CACNG6: variants seen among roughly 807,000 people sequenced by gnomAD.
CACNG6 encodes calcium voltage-gated channel auxiliary subunit gamma 6, also known as voltage-dependent calcium channel gamma-6 subunit.
CACNG6 carries 21 observed loss-of-function variants against 23.9 expected under a neutral mutation model. The observed-to-expected ratio is 0.88, with a 90% CI of 0.62 to 1.26. CACNG6 has a LOEUF of 1.26. Ranked by LOEUF, CACNG6 falls within the 50% of genes most tolerant of loss-of-function variation. The pLI, the probability that CACNG6 is intolerant of heterozygous loss-of-function variation, is 0.00. For missense variants in CACNG6, 340 were observed against 352.9 expected, an observed-to-expected ratio of 0.96 and a Z score of 0.29; for synonymous variants, 182 against 168.9, an observed-to-expected ratio of 1.08 and a Z score of -0.60.
chr19:53,993,342 C>T, intron 1 of CACNG6, 134 bp downstream of exon 1: 3 of 854,248 alleles, frequency 3.5e-6, no homozygotes, highest in South Asian at 1.8e-5. Context: ...TCGCAGTAAG[C>T]GCCAGTGCCC....
Position 54,004,335 on chromosome 19 carries a change from T to TGTGTG in CACNG6, c.544+4564_544+4565insGTGTG, listed in dbSNP as rs1411422394. Among the ~76,000 whole-genome samples the TGTGTG allele has an allele frequency of 2.3e-3, 247 of 107,322 alleles. 7 individuals carry two copies. The highest frequency in any genetic ancestry group is 9.5e-3 in the African/African-American group (240 of 25,280). The allele number at this position is 107,322 out of a possible 152,430, so 70.4% of individuals were successfully genotyped here. ...ACCACGCCTGGTTAATTTTGTATTTTTGTGTGTGTGTGTGTGTGTGTGTGT... is the reference window on the plus strand; with the variant it reads ...ACCACGCCTGGTTAATTTTGTATTTTGTGTGTGTGTGTGTGTGTGTGTGTGTGTGT... On this transcript the variant is annotated intron_variant, in intron 3 of 3. Coordinates refer to ENST00000252729, the MANE Select transcript of CACNG6 (RefSeq NM_145814.2).
intron 2 of CACNG6, among the ~76,000 whole-genome samples, chr19:53,998,890 T>C (rs892847255): frequency 3.3e-5 from 5 of 152,080 alleles, no homozygotes; most frequent in Non-Finnish European, 7.4e-5. Flanking sequence ...TCTCTGTGGG[T>C]AGCACTTGGA....
At chr19:54,002,284 G>GTTTTTTTTTTTTTTTTTTTTT (rs139176353) in intron 3 of CACNG6, among the ~76,000 whole-genome samples, 2 of 117,428 alleles carry the variant, frequency 1.7e-5, no homozygotes, top group Admixed American at 9.2e-5. Flanking sequence ...TGTTTTTTTT[G>GTTTTTTTTTTTTTTTTTTTTT]TTTTTTTTTT....
chr19:54,004,223 C>G (rs372347880), intron 3 of CACNG6, among the ~76,000 whole-genome samples: 1 of 151,874 alleles, frequency 6.6e-6, no homozygotes, highest in Non-Finnish European at 1.5e-5. Flanking sequence ...TGCAATGGCA[C>G]GATCTCGACT....
At chr19:54,011,205 A>AAT (rs1555819785) in intron 3 of CACNG6, among the ~76,000 whole-genome samples, 1,472 of 102,232 alleles carry the variant, frequency 0.014, 77 homozygotes, top group Admixed American at 0.033. Context: ...AAAAAAAAAA[A>AAT]ATATATATAT....
chr19:54,000,759 C>T (rs2069567024), intron 3 of CACNG6, among the ~76,000 whole-genome samples: 1 of 151,198 alleles, frequency 6.6e-6, no homozygotes, highest in South Asian at 2.1e-4. Flanking sequence ...TTGTATTTTT[C>T]GGTAGAGACA....
intron 3 of CACNG6, among the ~76,000 whole-genome samples, chr19:54,010,485 T>C: frequency 6.6e-6 from 1 of 152,064 alleles, no homozygotes; most frequent in East Asian, 1.9e-4. Context: ...GATTCCTGTG[T>C]TTGCTTTAAG....
rs1305186508 is a variant in CACNG6 at position 53,999,874 on chromosome 19, C to CA, written c.544+104dup. 7 of 1,394,038 alleles carry CA rather than the reference C, an allele frequency of 5.0e-6. No individual in the cohort carries two copies. In the African/African-American group the frequency reaches 1.0e-4, roughly 20 times the overall value. The allele number at this position is 1,394,038 out of a possible 1,614,324, so 86.4% of individuals were successfully genotyped here. ...GGGTCTCTATGCACTGTTGCACGCT[C>CA]AGAGATGGAATCTCTATGCACTGTT... is the stretch of plus-strand genomic sequence containing the variant. On this transcript the variant is annotated intron_variant, in intron 3 of 3. Transcript: ENST00000252729.
chr19:54,011,203 A>ATAT (rs1236174156), intron 3 of CACNG6, among the ~76,000 whole-genome samples: 5 of 100,674 alleles, frequency 5.0e-5, no homozygotes, highest in South Asian at 3.0e-4. Context: ...AAAAAAAAAA[A>ATAT]AAATATATAT....
At chr19:54,003,652 T>C (rs2069603763) in intron 3 of CACNG6, among the ~76,000 whole-genome samples, 1 of 151,842 alleles carries the variant, frequency 6.6e-6, no homozygotes, top group South Asian at 2.1e-4. Context: ...TGAGCCACCC[T>C]GCCTAGCCAT....
chr19:54,012,321 G>A lies in CACNG6; in HGVS notation c.*132G>A, dbSNP rs926398071. The stretch of plus-strand genomic sequence containing the variant: ...CTCGGGGGCCCATGTTTTTTTACAC[G>A]CCTGCCTCCTGTCCCCTTATCCTTT... On this transcript the variant is annotated 3_prime_UTR_variant, in exon 4 of 4. Coordinates refer to ENST00000252729, the MANE Select transcript of CACNG6 (RefSeq NM_145814.2). 6 of 480,364 alleles carry A rather than the reference G, an allele frequency of 1.2e-5. No individual in the cohort carries two copies. The highest frequency in any genetic ancestry group is 4.0e-5 in the African/African-American group (2 of 50,600). 29.8% of individuals were successfully genotyped at this position (480,364 alleles called of 1,614,324 possible). A position where few individuals can be genotyped will look rare whatever the true frequency, so the allele number is the denominator to read the frequency against.
chr19:53,999,694 G>A lies in CACNG6; in HGVS notation c.467G>A (p.Cys156Tyr). The A allele has an allele frequency of 6.2e-7, 1 of 1,614,094 alleles. No homozygotes were observed. Among genetic ancestry groups the A allele is most frequent in the Non-Finnish European group, 8.5e-7 (1 of 1,180,028 alleles). Residue 156 changes from cysteine (C) to tyrosine (Y), a missense_variant, in exon 3 of 4, where the codon TGC (cysteine) becomes TAC (tyrosine). By Grantham distance (194) the Cys-to-Tyr change is radical. Transcript: ENST00000252729. Reference protein sequence around the residue: ...VLGLAVMALGCLCIIMVLSKG... With the variant: ...VLGLAVMALGYLCIIMVLSKG... The stretch of plus-strand genomic sequence containing the variant: ...GGCCTGGCAGTCATGGCCTTGGGGT[G>A]CCTCTGTATCATCATGGTGCTCAGT...
chr19:53,993,239 T>C (rs1014379615), intron 1 of CACNG6, 31 bp downstream of exon 1: 41 of 1,518,628 alleles, frequency 2.7e-5, no homozygotes, highest in Non-Finnish European at 3.6e-5. Context: ...GCGCAGGGCT[T>C]GCGTCCCACG....
chr19:53,997,032 C>A (rs1178068684), intron 1 of CACNG6, among the ~76,000 whole-genome samples: 1 of 151,526 alleles, frequency 6.6e-6, no homozygotes, highest in Non-Finnish European at 1.5e-5. Context: ...CCACACCCAG[C>A]TGATTTTTTG....
chr19:53,993,088 A>G lies in CACNG6; in HGVS notation c.211A>G (p.Asn71Asp), dbSNP rs1349709376. Residue 71 changes from asparagine (N) to aspartate (D), a missense_variant, in exon 1 of 4, where the codon AAC (asparagine) becomes GAC (aspartate). Physicochemically the swap from Asn to Asp is conservative, Grantham distance 23 (BLOSUM62 1). Transcript: ENST00000252729. Reference protein sequence around the residue: ...FWVELNTYKANGSAVCEAAHL... With the variant: ...FWVELNTYKADGSAVCEAAHL... ...GGTGGAGCTCAACACCTACAAGGCC[A>G]ACGGCAGCGCCGTGTGCGAAGCGGC... 1.3e-6 allele frequency: 2 copies of G among 1,544,340 alleles called. No homozygotes were observed. Among genetic ancestry groups the G allele is most frequent in the Non-Finnish European group, 1.7e-6 (2 of 1,144,206 alleles).
chr19:53,992,972 C>G lies in CACNG6; in HGVS notation c.95C>G (p.Thr32Arg). 4.9e-6 allele frequency: 7 copies of G among 1,432,466 alleles called. No individual in the cohort carries two copies. Among genetic ancestry groups the G allele is most frequent in the Non-Finnish European group, 6.4e-6 (7 of 1,096,738 alleles). The allele number at this position is 1,432,466 out of a possible 1,614,324, so 88.7% of individuals were successfully genotyped here. A position where few individuals can be genotyped will look rare whatever the true frequency, so the allele number is the denominator to read the frequency against. ...RAHGQGRSGL[T>R]PEREGKVKLA... ...CACGGGCAGGGCAGGTCGGGGCTGA[C>G]GCCCGAGCGCGAGGGGAAGGTGAAG... The change falls in exon 1 of 4, where the codon ACG becomes AGG. Residue 32 changes from threonine (T) to arginine (R), a missense_variant. Thr to Arg is a moderately conservative substitution (Grantham distance 71). Transcript: ENST00000252729. This position sits in a 1 kb window ranked among gnomAD's most constrained non-coding sequence, Gnocchi z 4.1.
At chr19:54,009,684 T>G (rs1238896969) in intron 3 of CACNG6, among the ~76,000 whole-genome samples, 1 of 152,024 alleles carries the variant, frequency 6.6e-6, no homozygotes, top group Admixed American at 6.6e-5. Flanking sequence ...CAAATTTTGG[T>G]TTATTTGTTT....
chr19:53,994,355 T>G (rs548065889), intron 1 of CACNG6, among the ~76,000 whole-genome samples: 111 of 152,326 alleles, frequency 7.3e-4, no homozygotes, highest in African/African-American at 2.4e-3. Flanking sequence ...GTTTCTCATT[T>G]TCTCCGAGAG....
At chr19:53,995,973 A>G (rs2069517200) in intron 1 of CACNG6, among the ~76,000 whole-genome samples, 2 of 151,728 alleles carry the variant, frequency 1.3e-5, no homozygotes, top group Non-Finnish European at 1.5e-5. Context: ...AGCATCCTCT[A>G]CCTCTTGCTG....
Sources: allele counts gnomAD v4.1 joint callset (sites outside exome capture counted in the v4.1 genomes callset), GRCh38; gene constraint gnomAD v4.1.1; non-coding constraint Gnocchi (gnomAD v3.1); transcripts MANE v1.5; gene names NCBI Gene and HGNC (gene_info 2026-07-23, HGNC 2026-07-21).